Variants in PLAGL1 observed in about 807,000 individuals in gnomAD.
PLAGL1 encodes zinc finger protein PLAGL1.
PLAGL1 carries 1 observed loss-of-function variant against 4.6 expected under a neutral mutation model. The ratio of observed to expected loss-of-function variants is 0.22; its 90% CI spans 0.08 to 1.03. The LOEUF (loss-of-function observed/expected upper bound fraction) is 1.03. Among genes scored for constraint, PLAGL1 ranks in the 50% least tolerant of loss-of-function variants. PLAGL1 has a pLI of 0.58. For synonymous variants in PLAGL1, 240 were observed against 237.8 expected (o/e 1.01, Z -0.08); for missense variants, 464 against 570.4 (o/e 0.81, Z 1.90).
chr6:144,015,926 G>A lies in PLAGL1; in HGVS notation c.-150-46948C>T, dbSNP rs928138900. Among the ~76,000 whole-genome samples the A allele has an allele frequency of 1.3e-5, 2 of 152,116 alleles. No homozygotes were observed. Among genetic ancestry groups the A allele is most frequent in the Admixed American group, 6.5e-5 (1 of 15,272 alleles). On this transcript the variant is annotated intron_variant, in intron 1 of 3. Coordinates refer to the PLAGL1 transcript ENST00000437412. This position sits in a 1 kb window ranked among gnomAD's most constrained non-coding sequence, Gnocchi z 4.3. ...AACATGTCTGTGGAAAGACTTAAAT[G>A]CAAATATTCATATTCTCTCCAAACT...
In PLAGL1 at chr6:143,958,883, A is replaced by T. The variant is rs1490101945; in HGVS notation, c.-325+1586T>A. ...GCTTAAAAAGAGTGGAACACTAGCAAGCAGGGCCTCTTCTCCTTTTCACCT... is the reference window on the plus strand; with the variant it reads ...GCTTAAAAAGAGTGGAACACTAGCATGCAGGGCCTCTTCTCCTTTTCACCT... On this transcript the variant is annotated intron_variant, in intron 6 of 7. Transcript: ENST00000674357. This position sits in a 1 kb window ranked among gnomAD's most constrained non-coding sequence, Gnocchi z 5.1. Among the ~76,000 whole-genome samples, 2 of 152,212 alleles carry T rather than the reference A, an allele frequency of 1.3e-5. No individual in the cohort carries two copies. The highest frequency in any genetic ancestry group is 2.9e-5 in the Non-Finnish European group (2 of 68,028).
intron 1 of PLAGL1, among the ~76,000 whole-genome samples, chr6:143,986,756 A>C (rs1357495169): frequency 1.3e-5 from 2 of 152,200 alleles, no homozygotes; most frequent in Non-Finnish European, 2.9e-5. Flanking sequence ...TAGCTGTGAC[A>C]GTTTTGCCTA....
At chr6:143,977,500 G>A (rs1278702921) in intron 2 of PLAGL1, among the ~76,000 whole-genome samples, 7 of 102,494 alleles carry the variant, frequency 6.8e-5, no homozygotes, top group African/African-American at 2.8e-4. Context: ...TTGAGATGGA[G>A]TCTGGCTCAA....
At position 144,050,937 on chromosome 6, in the gene PLAGL1, G is replaced by C. The variant is rs1001070642; in HGVS notation, c.-151+13531C>G. ...CCAAAAACCTTAGGGAACTGTATCT[G>C]TTACTCTTTTATTACCAATAATATC... On this transcript the variant is annotated intron_variant, in intron 1 of 3. Transcript: ENST00000437412. This position sits in a 1 kb window ranked among gnomAD's most constrained non-coding sequence, Gnocchi z 4.3. 6.6e-6 allele frequency among the ~76,000 whole-genome samples: 1 copy of C among 152,122 alleles called. No individual in the cohort carries two copies. Among genetic ancestry groups the C allele is most frequent in the Non-Finnish European group, 1.5e-5 (1 of 68,020 alleles).
At chr6:143,976,457 TTAATAA>T (rs1410571728) in intron 2 of PLAGL1, among the ~76,000 whole-genome samples, 2 of 152,066 alleles carry the variant, frequency 1.3e-5, no homozygotes, top group African/African-American at 4.8e-5. Context: ...CTTGTTTGAC[TTAATAA>T]TATCAATACC....
intron 1 of PLAGL1, among the ~76,000 whole-genome samples, chr6:144,047,787 C>T (rs34554103): frequency 0.11 from 16,370 of 152,156 alleles, 1,089 homozygotes; most frequent in South Asian, 0.15. Context: ...CTGCCCCTGA[C>T]ACCCCCAAAT....
Position 143,999,454 on chromosome 6 carries a change from C to T in PLAGL1, c.-584+8636G>A, listed in dbSNP as rs11756447. 8.1e-3 allele frequency among the ~76,000 whole-genome samples: 1,230 copies of T among 152,286 alleles called. 63 individuals are homozygous for T. The East Asian group carries it at 0.15, about 18-fold the overall frequency. ...TGTATTAATGATGCAATATAAAACA[C>T]GCAGAAAAGCTAAAATCACTTTTCC... On this transcript the variant is annotated intron_variant, in intron 1 of 7. Coordinates refer to ENST00000674357, the MANE Select transcript of PLAGL1 (RefSeq NM_001317162.2).
At chr6:144,058,048 A>G (rs1424437260) in intron 1 of PLAGL1, among the ~76,000 whole-genome samples, 1 of 152,126 alleles carries the variant, frequency 6.6e-6, no homozygotes, top group African/African-American at 2.4e-5. Flanking sequence ...TCTTTGCATC[A>G]CTATACAGGA....
rs1386720684 is a variant in PLAGL1 at position 144,000,955 on chromosome 6, A to G, written c.-584+7135T>C. Among the ~76,000 whole-genome samples the G allele has an allele frequency of 6.6e-6, 1 of 152,166 alleles. No individual in the cohort carries two copies. Among genetic ancestry groups the G allele is most frequent in the Admixed American group, 6.5e-5 (1 of 15,278 alleles). ...CATTTGACAAAATTAAAAATAGAGT[A>G]TACGTACATATAACTCCTAGCTCTG... On this transcript the variant is annotated intron_variant, in intron 1 of 7. Coordinates refer to ENST00000674357, the MANE Select transcript of PLAGL1 (RefSeq NM_001317162.2). This position sits in a 1 kb window ranked among gnomAD's most constrained non-coding sequence, Gnocchi z 4.1.
intron 1 of PLAGL1, among the ~76,000 whole-genome samples, chr6:144,060,087 G>C (rs1799276379): frequency 1.3e-5 from 2 of 151,432 alleles, no homozygotes; most frequent in African/African-American, 4.9e-5. Context: ...TTACTCTGTT[G>C]CCCAGGCTGA....
rs562452049 is a variant in PLAGL1 at position 143,961,087 on chromosome 6, T to G, written c.-398-545A>C. ...ATGCATTAGAATCAGCATGGAAAAC[T>G]TTTAAAAATACAGATTCCTGGGTGG... On this transcript the variant is annotated intron_variant, in intron 5 of 7. Coordinates refer to ENST00000674357, the MANE Select transcript of PLAGL1 (RefSeq NM_001317162.2). The surrounding 1 kb of genome is among the most constrained non-coding windows in gnomAD (Gnocchi z 6.5). The G allele has an allele frequency of 9.5e-4, 145 of 152,354 alleles. No homozygotes were observed. Among genetic ancestry groups the G allele is most frequent in the African/African-American group, 3.3e-3 (137 of 41,574 alleles). The allele number at this position is 152,354 out of a possible 1,614,324, so 9.4% of individuals were successfully genotyped here.
intron 1 of PLAGL1, among the ~76,000 whole-genome samples, chr6:143,988,959 G>A (rs1006604650): frequency 9.9e-5 from 15 of 152,142 alleles, no homozygotes; most frequent in African/African-American, 3.4e-4. Flanking sequence ...TCATTGCAAT[G>A]CCCTTACATA....
chr6:144,017,186 T>C (rs1795621909), intron 1 of PLAGL1, among the ~76,000 whole-genome samples: 2 of 152,226 alleles, frequency 1.3e-5, no homozygotes, highest in Admixed American at 1.3e-4. Context: ...CTTAAAAACC[T>C]GTATACATAT....
In PLAGL1 at chr6:143,970,303, A is replaced by C. The variant is rs1428752692; in HGVS notation, c.-543-1325T>G. ...GTTTTTCCTTGCAGAAAAATGTCTC[A>C]CTAAAGAAGGCAATATGTAATGTTG... On this transcript the variant is annotated intron_variant, in intron 2 of 7. Transcript: ENST00000674357. The surrounding 1 kb of genome is among the most constrained non-coding windows in gnomAD (Gnocchi z 5.8). Among the ~76,000 whole-genome samples the C allele has an allele frequency of 6.6e-6, 1 of 152,238 alleles. No homozygotes were observed. Among genetic ancestry groups the C allele is most frequent in the African/African-American group, 2.4e-5 (1 of 41,472 alleles).
upstream of PLAGL1, chr6:144,008,454 G>A (rs529481417): frequency 2.0e-5 from 3 of 152,190 alleles, no homozygotes; most frequent in Admixed American, 6.5e-5. This position sits in a 1 kb window ranked among gnomAD's most constrained non-coding sequence, Gnocchi z 6.9. Context: ...CCCCTGGCGG[G>A]GGCGTCACGT....
intron 1 of PLAGL1, among the ~76,000 whole-genome samples, chr6:144,029,735 T>C (rs1341757456): frequency 6.6e-6 from 1 of 152,176 alleles, no homozygotes; most frequent in African/African-American, 2.4e-5. Flanking sequence ...GGCAACCTTA[T>C]GGAAGTTGCC....
rs180684588 is a variant in PLAGL1 at position 144,059,625 on chromosome 6, G to A, written c.-151+4843C>T. ...TCCCAGATATTTTTAATATATTTAGGAAATGTATTCAGCAAAACTATTCAG... is the reference window on the plus strand; with the variant it reads ...TCCCAGATATTTTTAATATATTTAGAAAATGTATTCAGCAAAACTATTCAG... On this transcript the variant is annotated intron_variant, in intron 1 of 3. Coordinates refer to the PLAGL1 transcript ENST00000437412. This position sits in a 1 kb window ranked among gnomAD's most constrained non-coding sequence, Gnocchi z 4.9. Among the ~76,000 whole-genome samples, 202 of 152,258 alleles carry A rather than the reference G, an allele frequency of 1.3e-3. 2 individuals are homozygous for A. The highest frequency in any genetic ancestry group is 3.7e-3 in the Admixed American group (57 of 15,292).
At chr6:144,037,472 C>T (rs1182731254) in intron 1 of PLAGL1, 1 of 149,436 alleles carries the variant, frequency 6.7e-6, no homozygotes, top group African/African-American at 2.5e-5. Flanking sequence ...CCTGTAGTCC[C>T]AGCTACTTAG....
Position 143,957,163 on chromosome 6 carries a change from A to G in PLAGL1, c.-325+3306T>C, listed in dbSNP as rs554295810. On this transcript the variant is annotated intron_variant, in intron 6 of 7. Transcript: ENST00000674357. This position sits in a 1 kb window ranked among gnomAD's most constrained non-coding sequence, Gnocchi z 4.2. ...TAAATAGAAACAGTCACAAAAAAAT[A>G]GACAAATGTCTACAAGTAAAATAGA... Among the ~76,000 whole-genome samples the G allele has an allele frequency of 6.6e-6, 1 of 152,384 alleles. No individual in the cohort carries two copies. Among genetic ancestry groups the G allele is most frequent in the East Asian group, 1.9e-4 (1 of 5,190 alleles).
Sources: gnomAD v4.1 joint callset for allele counts (sites outside exome capture counted in the v4.1 genomes callset) on GRCh38, gnomAD v4.1.1 for gene constraint, Gnocchi (gnomAD v3.1) non-coding constraint, MANE v1.5 for transcripts, NCBI Gene and HGNC (gene_info 2026-07-23, HGNC 2026-07-21) for gene names.